SERAC1: variants seen among roughly 807,000 people sequenced by gnomAD.
SERAC1 encodes protein SERAC1.
A neutral mutation model predicts 85.7 loss-of-function variants in SERAC1; 36 were observed. The ratio of observed to expected loss-of-function variants is 0.42; its 90% confidence interval spans 0.32 to 0.55. The LOEUF (loss-of-function observed/expected upper bound fraction) is 0.55. SERAC1 is among the 20% of genes least tolerant of loss of function. The probability of loss-of-function intolerance (pLI) is 0.11; values close to 1 mark genes in which losing one functional copy is unlikely to be tolerated. For missense variants in SERAC1, 629 were observed against 796.2 expected (o/e 0.79, Z 2.53); for synonymous variants, 242 against 265.3 (o/e 0.91, Z 0.85).
chr6:158,115,941 C>T (rs912342186), intron 14 of SERAC1, among the ~76,000 whole-genome samples: 2 of 152,204 alleles, frequency 1.3e-5, no homozygotes, highest in East Asian at 1.9e-4. Flanking sequence ...GAAAGCACTA[C>T]GCTGTCAAAC....
At chr6:158,121,389 G>A (rs1366849321) in intron 10 of SERAC1, among the ~76,000 whole-genome samples, 3 of 152,050 alleles carry the variant, frequency 2.0e-5, no homozygotes, top group Non-Finnish European at 4.4e-5. Flanking sequence ...CAGAATATGG[G>A]CCTTGAAGTT....
rs1232309586 is a variant in SERAC1 at position 158,168,185 on chromosome 6, C to G, written c.-47G>C. Reference sequence around the variant, plus strand: ...CCCGTGCCCAACTGCTCGTCGGACCCCGTTGTCTGGGGAGCCCTACTCTTT... The same window carrying G: ...CCCGTGCCCAACTGCTCGTCGGACCGCGTTGTCTGGGGAGCCCTACTCTTT... On this transcript the variant is annotated 5_prime_UTR_variant, in exon 1 of 17. Coordinates refer to ENST00000647468, the MANE Select transcript of SERAC1 (RefSeq NM_032861.4). 8 of 152,420 alleles carry G rather than the reference C, an allele frequency of 5.2e-5. No homozygotes were observed. The East Asian group carries it at 1.5e-3, about 29-fold the overall frequency. The allele number at this position is 152,420 out of a possible 1,614,324, so 9.4% of individuals were successfully genotyped here. A position where few individuals can be genotyped will look rare whatever the true frequency, so the allele number is the denominator to read the frequency against.
chr6:158,128,111 A>G lies in SERAC1; in HGVS notation c.1012T>C (p.Ser338Pro), dbSNP rs1264343459. The change falls in exon 10 of 17, where the codon TCA (serine) becomes CCA (proline). Residue 338 changes from serine (S) to proline (P), a missense_variant. Ser to Pro is a moderately conservative substitution (Grantham distance 74). Transcript: ENST00000647468. ...NEHLHSSIVRSGWVSIMAEAM... is the reference protein window; with the variant it reads ...NEHLHSSIVRPGWVSIMAEAM... ...ACTCAGTATATAAAGCTGTTACCTGAGCGAACTATAGAAGAATGAAGATGT... is the reference window on the plus strand; with the variant it reads ...ACTCAGTATATAAAGCTGTTACCTGGGCGAACTATAGAAGAATGAAGATGT... 1 of 1,613,744 alleles carries G rather than the reference A, an allele frequency of 6.2e-7. No homozygotes were observed.
At chr6:158,118,618 C>CAAA (rs576637812) in intron 12 of SERAC1, among the ~76,000 whole-genome samples, 10 of 90,376 alleles carry the variant, frequency 1.1e-4, no homozygotes, top group African/African-American at 2.3e-4. Flanking sequence ...ACCCTCATCT[C>CAAA]AAAAAAAAAA....
intron 8 of SERAC1, among the ~76,000 whole-genome samples, chr6:158,133,169 C>T (rs1040776367): frequency 6.6e-6 from 1 of 151,856 alleles, no homozygotes; most frequent in Non-Finnish European, 1.5e-5. Context: ...CAAGGTGGTG[C>T]ACACCTGCTG....
chr6:158,156,930 A>G (rs1463695244), intron 2 of SERAC1, among the ~76,000 whole-genome samples: 1 of 133,784 alleles, frequency 7.5e-6, no homozygotes, highest in Non-Finnish European at 1.5e-5. Context: ...ATATTAATAT[A>G]TTTATATAGA....
intron 10 of SERAC1, among the ~76,000 whole-genome samples, chr6:158,124,600 G>C (rs1784493506): frequency 6.6e-6 from 1 of 151,998 alleles, no homozygotes; most frequent in African/African-American, 2.4e-5. Flanking sequence ...AGGCATTTCA[G>C]AGTCAAAAAT....
intron 10 of SERAC1, among the ~76,000 whole-genome samples, chr6:158,126,746 T>C (rs1245479033): frequency 3.3e-5 from 5 of 152,158 alleles, no homozygotes; most frequent in Non-Finnish European, 7.3e-5. Context: ...AGTCTGACTA[T>C]GCCTCTTGGT....
intron 1 of SERAC1, chr6:158,162,209 A>AT (rs1414848760): frequency 6.6e-6 from 1 of 152,250 alleles, no homozygotes. Flanking sequence ...ATAATGGGCT[A>AT]TTTAACCTCT....
At chr6:158,132,844 G>A (rs140009468) in intron 8 of SERAC1, among the ~76,000 whole-genome samples, 9 of 152,220 alleles carry the variant, frequency 5.9e-5, no homozygotes, top group African/African-American at 2.2e-4. Flanking sequence ...AATGTACATA[G>A]TTACTGCTAC....
chr6:158,152,082 T>C (rs898930751), intron 3 of SERAC1, among the ~76,000 whole-genome samples: 4 of 152,176 alleles, frequency 2.6e-5, no homozygotes, highest in African/African-American at 9.7e-5. Flanking sequence ...AAATATTGTT[T>C]TATAAATATA....
intron 3 of SERAC1, among the ~76,000 whole-genome samples, chr6:158,151,900 G>A (rs530501916): frequency 1.3e-5 from 2 of 152,028 alleles, no homozygotes; most frequent in East Asian, 3.9e-4. Flanking sequence ...GTAAGCTGAG[G>A]TTAATTATTA....
intron 6 of SERAC1, chr6:158,145,157 T>C (rs1304448847): frequency 6.6e-6 from 1 of 152,218 alleles, no homozygotes; most frequent in Non-Finnish European, 1.5e-5. Flanking sequence ...GGCAGGAAAA[T>C]AGCTTGAACC....
chr6:158,140,704 G>C lies in SERAC1; in HGVS notation c.738+2352C>G, dbSNP rs150955189. Among the ~76,000 whole-genome samples the C allele has an allele frequency of 9.8e-5, 15 of 152,286 alleles. No individual in the cohort carries two copies. In the East Asian group the frequency reaches 2.5e-3, roughly 25 times the overall value. ...GGAACTTGTGACTGGTATCTGAAGT[G>C]GGGGGCAGTCCTGTGGGACAGAGCC... On this transcript the variant is annotated intron_variant, in intron 8 of 16. Transcript: ENST00000647468.
chr6:158,148,828 A>G, intron 5 of SERAC1, 37 bp downstream of exon 5: 1 of 1,379,456 alleles, frequency 7.2e-7, no homozygotes, highest in South Asian at 1.3e-5. Flanking sequence ...CTTTCAGATT[A>G]CTGATAAGGA....
intron 5 of SERAC1, among the ~76,000 whole-genome samples, chr6:158,148,580 T>C (rs1005415707): frequency 3.3e-4 from 50 of 152,010 alleles, no homozygotes; most frequent in Non-Finnish European, 1.2e-4. Context: ...GTAGCTGGGA[T>C]TACAGGCACC....
chr6:158,143,333 C>A (rs1583590140), intron 7 of SERAC1, 149 bp from the exon 8 acceptor site: 1 of 169,990 alleles, frequency 5.9e-6, no homozygotes, highest in South Asian at 9.4e-5. Flanking sequence ...CTCTCTCTCT[C>A]TCTCTCTCTC....
intron 5 of SERAC1, among the ~76,000 whole-genome samples, chr6:158,148,658 GTT>G: frequency 6.6e-6 from 1 of 152,166 alleles, no homozygotes; most frequent in East Asian, 1.9e-4. Flanking sequence ...AGCCAGGCTG[GTT>G]TCAAACTCCT....
chr6:158,120,480 C>T lies in SERAC1; in HGVS notation c.1111G>A (p.Val371Met), dbSNP rs765083651. The T allele has an allele frequency of 1.2e-6, 2 of 1,613,906 alleles. No homozygotes were observed. The highest frequency in any genetic ancestry group is 1.3e-5 in the African/African-American group (1 of 74,872). ...RILANLDRET[V>M]QEKYQDGVYV... is the part of the protein sequence containing the mutation. ...ACGCCATCCTGATATTTTTCTTGCA[C>T]AGTTTCTCGGTCTAGATTTGCCAGG... is the stretch of plus-strand genomic sequence containing the variant. Residue 371 changes from valine to methionine, a missense_variant, in exon 11 of 17, where the codon GTG (valine) becomes ATG (methionine). By Grantham distance (21) the Val-to-Met change is conservative. Transcript: ENST00000647468. This position sits in a 1 kb window ranked among gnomAD's most constrained non-coding sequence, Gnocchi z 4.4.
Sources: allele counts gnomAD v4.1 joint callset (sites outside exome capture counted in the v4.1 genomes callset), GRCh38; gene constraint gnomAD v4.1.1; non-coding constraint Gnocchi (gnomAD v3.1); transcripts MANE v1.5; gene names NCBI Gene and HGNC (gene_info 2026-07-23, HGNC 2026-07-21).